Variants in ZNF836 observed in about 807,000 individuals in gnomAD.
ZNF836 encodes the protein zinc finger protein 836.
Under a neutral mutation model 7.4 loss-of-function variants are expected in ZNF836, and 12 were observed. The observed-to-expected ratio is 1.61, with a 90% CI of 1.03 to 2.61. The LOEUF is 2.61. Among genes scored for constraint, ZNF836 ranks in the 30% most tolerant of loss-of-function variants. The pLI is 0.00. For missense variants in ZNF836, 998 were observed against 1,126.2 expected (o/e 0.89, Z 1.63); for synonymous variants, 365 against 382.6 (o/e 0.95, Z 0.54).
intron 2 of ZNF836, 52 bp from the exon 3 acceptor site, chr19:52,168,204 T>G: frequency 2.4e-6 from 3 of 1,251,810 alleles, no homozygotes; most frequent in Non-Finnish European, 3.4e-6. Context: ...CATTCCTTTC[T>G]GCGCTACAAC....
At position 52,155,428 on chromosome 19, in the gene ZNF836, C is replaced by T. The variant is rs2089144268; in HGVS notation, c.2255G>A (p.Cys752Tyr). ...ATTAAAGACCTGGCCACATTCAATACATTTGTATGGCATCTCTCCAGTATG... is the reference window on the plus strand; with the variant it reads ...ATTAAAGACCTGGCCACATTCAATATATTTGTATGGCATCTCTCCAGTATG... Reference protein sequence around the residue: ...RRHTGEMPYKCIECGQVFNST... With the variant: ...RRHTGEMPYKYIECGQVFNST... The change falls in exon 5 of 5, where the codon TGT becomes TAT. Residue 752 changes from cysteine (C) to tyrosine (Y), a missense_variant. Physicochemically the swap from Cys to Tyr is radical, Grantham distance 194. Transcript: ENST00000682614. 3.1e-6 allele frequency: 5 copies of T among 1,614,158 alleles called. No individual in the cohort carries two copies. Among genetic ancestry groups the T allele is most frequent in the Non-Finnish European group, 2.5e-6 (3 of 1,180,040 alleles).
rs754216912 is a variant in ZNF836, at chr19:52,155,039, T to C, written c.2644A>G (p.Met882Val). Residue 882 changes from methionine to valine, a missense_variant, in exon 5 of 5, where the codon ATG becomes GTG. Coordinates refer to ENST00000682614, the MANE Select transcript of ZNF836 (RefSeq NM_001102657.3). ...TAAGGTTTTTCTCCAGAATGAATCATTTGGTGTTTGTTGAGGCAAGAAAAC... is the reference window on the plus strand; with the variant it reads ...TAAGGTTTTTCTCCAGAATGAATCACTTGGTGTTTGTTGAGGCAAGAAAAC... ...GRFSCLNKHQ[M>V]IHSGEKPYKC... 9.9e-6 allele frequency: 16 copies of C among 1,614,096 alleles called. No individual in the cohort carries two copies. The East Asian group carries it at 3.6e-4, about 36-fold the overall frequency.
rs770206537 is a variant in ZNF836 at position 52,156,373 on chromosome 19, G to C, written c.1310C>G (p.Thr437Arg). The change falls in exon 5 of 5, where the codon ACA becomes AGA. Residue 437 changes from threonine to arginine, a missense_variant. By Grantham distance (71) the Thr-to-Arg change is moderately conservative. Coordinates refer to ENST00000682614, the MANE Select transcript of ZNF836 (RefSeq NM_001102657.3). ...ATCACATGTATATGGTTTCTCTCCTGTATGGATTATCTGATGTGTAGTGAG... is the reference window on the plus strand; with the variant it reads ...ATCACATGTATATGGTTTCTCTCCTCTATGGATTATCTGATGTGTAGTGAG... ...SSLTTHQIIH[T>R]GEKPYTCDVC... 2 of 1,614,204 alleles carry C rather than the reference G, an allele frequency of 1.2e-6. No individual in the cohort carries two copies. Among genetic ancestry groups the C allele is most frequent in the South Asian group, 2.2e-5 (2 of 91,084 alleles).
At position 52,156,585 on chromosome 19, in the gene ZNF836, G is replaced by A. The variant is rs760744902; in HGVS notation, c.1098C>T (p.Val366=). The A allele has an allele frequency of 6.2e-7, 1 of 1,613,464 alleles. No individual in the cohort carries two copies. Among genetic ancestry groups the A allele is most frequent in the South Asian group, 1.1e-5 (1 of 91,040 alleles). ...TTACAAGATTAGAATTCTGCCTGAA[G>A]ACCTTGCCACATATATCACATTGAT... ...KPYQCDICGK[V]FRQNSNLVNH... The change falls in exon 5 of 5, where the codon GTC becomes GTT. Residue 366 remains valine (V), a synonymous_variant. Coordinates refer to ENST00000682614, the MANE Select transcript of ZNF836 (RefSeq NM_001102657.3).
intron 4 of ZNF836, among the ~76,000 whole-genome samples, chr19:52,158,996 A>G (rs1009139892): frequency 1.3e-5 from 2 of 152,170 alleles, no homozygotes; most frequent in African/African-American, 4.8e-5. Context: ...TTTGCACGGC[A>G]ATCCTTCTGC....
At position 52,155,633 on chromosome 19, in the gene ZNF836, G is replaced by A; in HGVS notation, c.2050C>T (p.His684Tyr). Reference sequence around the variant, plus strand: ...TTCTCTCCAGTATGAATTATCAGATGTTTAGTGAGGCTTGAACGCTGAGTA... The same window carrying A: ...TTCTCTCCAGTATGAATTATCAGATATTTAGTGAGGCTTGAACGCTGAGTA... Reference protein sequence around the residue: ...AYTQRSSLTKHLIIHTGEKPY... With the variant: ...AYTQRSSLTKYLIIHTGEKPY... The change falls in exon 5 of 5, where the codon CAT becomes TAT. Residue 684 changes from histidine to tyrosine, a missense_variant. Coordinates refer to ENST00000682614, the MANE Select transcript of ZNF836 (RefSeq NM_001102657.3). 1.2e-6 allele frequency: 2 copies of A among 1,614,104 alleles called. No individual in the cohort carries two copies. The highest frequency in any genetic ancestry group is 1.7e-6 in the Non-Finnish European group (2 of 1,180,024).
At position 52,156,861 on chromosome 19, in the gene ZNF836, A is replaced by C. The variant is rs1383427533; in HGVS notation, c.822T>G (p.Tyr274Ter). Residue 274 changes from tyrosine (Y) to a stop codon, truncating the protein, a stop_gained, in exon 5 of 5, where the codon TAT (tyrosine) becomes TAG (stop). Coordinates refer to ENST00000682614, the MANE Select transcript of ZNF836 (RefSeq NM_001102657.3). LOFTEE classifies it low-confidence loss of function (END_TRUNC). The part of the protein sequence containing the change: ...HQIVHTRGKP[Y>*]QCGVCGKIFR... ...AGATCTTGCCACATACACCACATTG[A>C]TATGGCTTCCCCCTTGTATGGACTA... is the stretch of plus-strand genomic sequence containing the variant. 1 of 1,614,048 alleles carries C rather than the reference A, an allele frequency of 6.2e-7. No homozygotes were observed. The highest frequency in any genetic ancestry group is 8.5e-7 in the Non-Finnish European group (1 of 1,180,044).
rs759011891 is a variant in ZNF836 at position 52,155,824 on chromosome 19, T to A, written c.1859A>T (p.Asn620Ile). 1 of 1,613,882 alleles carries A rather than the reference T, an allele frequency of 6.2e-7. No individual in the cohort carries two copies. The highest frequency in any genetic ancestry group is 1.1e-5 in the South Asian group (1 of 91,064). ...YKCNVCGKVF[N>I]DSGNLSNHKR... ...ATGATTTGAAAGGTTTCCACTGTCA[T>A]TGAAGACCTTGCCACACACATTACA... The change falls in exon 5 of 5, where the codon AAT (asparagine) becomes ATT (isoleucine). Residue 620 changes from asparagine to isoleucine, a missense_variant. Asn to Ile is a moderately radical substitution (Grantham distance 149). Transcript: ENST00000682614.
At position 52,157,502 on chromosome 19, in the gene ZNF836, T is replaced by C; in HGVS notation, c.181A>G (p.Ile61Val). 1 of 1,552,622 alleles carries C rather than the reference T, an allele frequency of 6.4e-7. No individual in the cohort carries two copies. The highest frequency in any genetic ancestry group is 1.3e-5 in the South Asian group (1 of 79,840). ...TTTTCTCCTGTATTACTGTTCCCTA[T>C]TGGTGGTAATTCCTTGGTCATACAT... ...PKCMTKELPP[I>V]GNSNTGEKCQ... Residue 61 changes from isoleucine to valine, a missense_variant, in exon 5 of 5, where the codon ATA becomes GTA. By Grantham distance (29) the Ile-to-Val change is conservative. Coordinates refer to ENST00000682614, the MANE Select transcript of ZNF836 (RefSeq NM_001102657.3).
Position 52,155,844 on chromosome 19 carries a change from A to AT in ZNF836, c.1838dup (p.Asn613LysfsTer9). 1 of 1,613,902 alleles carries AT rather than the reference A, an allele frequency of 6.2e-7. No homozygotes were observed. Among genetic ancestry groups the AT allele is most frequent in the East Asian group, 2.2e-5 (1 of 44,884 alleles). On this transcript the variant is annotated frameshift_variant, in exon 5 of 5. Coordinates refer to ENST00000682614, the MANE Select transcript of ZNF836 (RefSeq NM_001102657.3). LOFTEE classifies it low-confidence loss of function (END_TRUNC). ...TGTCATTGAAGACCTTGCCACACAC[A>AT]TTACATTTGTAAGGTTTCTGCCCAG...
At position 52,155,863 on chromosome 19, in the gene ZNF836, T is replaced by G; in HGVS notation, c.1820A>C (p.Gln607Pro). ...ACACACATTACATTTGTAAGGTTTC[T>G]GCCCAGTATGAATTCTTAGATGACG... ...LARHLRIHTG[Q>P]KPYKCNVCGK... Residue 607 changes from glutamine to proline, a missense_variant, in exon 5 of 5, where the codon CAG becomes CCG. Gln to Pro is a moderately conservative substitution (Grantham distance 76, BLOSUM62 -1). Coordinates refer to ENST00000682614, the MANE Select transcript of ZNF836 (RefSeq NM_001102657.3). 1 of 1,614,062 alleles carries G rather than the reference T, an allele frequency of 6.2e-7. No individual in the cohort carries two copies. The highest frequency in any genetic ancestry group is 1.1e-5 in the South Asian group (1 of 91,078).
chr19:52,162,588 G>A (rs1329362684), intron 3 of ZNF836, among the ~76,000 whole-genome samples: 1 of 152,192 alleles, frequency 6.6e-6, no homozygotes, highest in Non-Finnish European at 1.5e-5. Context: ...AAGGGGCCAG[G>A]GGGCATCTTG....
intron 1 of ZNF836, chr19:52,170,314 C>T (rs1347374666): frequency 1.3e-5 from 2 of 152,272 alleles, no homozygotes; most frequent in Non-Finnish European, 2.9e-5. Context: ...CTCTTTTTCC[C>T]CATCTGAGCT....
intron 3 of ZNF836, among the ~76,000 whole-genome samples, chr19:52,162,781 G>A (rs903990437): frequency 9.2e-5 from 14 of 152,196 alleles, no homozygotes; most frequent in South Asian, 4.1e-4. Flanking sequence ...CAAGGAGCCC[G>A]GCGCCAGGGA....
At chr19:52,170,977 A>G (rs1568576044) in intron 1 of ZNF836, among the ~76,000 whole-genome samples, 2 of 152,174 alleles carry the variant, frequency 1.3e-5, no homozygotes, top group Non-Finnish European at 2.9e-5. Flanking sequence ...AAGCCTGGGG[A>G]GCGAAAGGAC....
At chr19:52,159,438 T>C (rs866606246) in intron 4 of ZNF836, among the ~76,000 whole-genome samples, 2 of 152,204 alleles carry the variant, frequency 1.3e-5, no homozygotes, top group Non-Finnish European at 2.9e-5. Context: ...GGATCAAACA[T>C]GTTTTTAAAT....
In ZNF836 at chr19:52,155,311, G is replaced by C. The variant is rs1420409739; in HGVS notation, c.2372C>G (p.Ser791Ter). The change falls in exon 5 of 5, where the codon TCA becomes TGA. Residue 791 changes from serine to a stop codon, truncating the protein, a stop_gained. Transcript: ENST00000682614. LOFTEE classifies it low-confidence loss of function (END_TRUNC). ...NECGKVFRHQ[S>*]TLARHRSIHT... ...AATACTCCGATGACGTGCTAGTGTT[G>C]ATTGATGACGAAAGACCTTGCCACA... The C allele has an allele frequency of 1.9e-6, 3 of 1,614,144 alleles. No individual in the cohort carries two copies. The Admixed American group carries it at 5.0e-5, about 27-fold the overall frequency.
At chr19:52,157,981 A>G (rs2089181843) in intron 4 of ZNF836, among the ~76,000 whole-genome samples, 1 of 152,202 alleles carries the variant, frequency 6.6e-6, no homozygotes, top group Non-Finnish European at 1.5e-5. Context: ...TATACTAGAC[A>G]GTTACCAAAC....
rs766949417 is a variant in ZNF836 at position 52,155,826 on chromosome 19, G to A, written c.1857C>T (p.Phe619=). 1 of 1,613,864 alleles carries A rather than the reference G, an allele frequency of 6.2e-7. No homozygotes were observed. The highest frequency in any genetic ancestry group is 1.1e-5 in the South Asian group (1 of 91,066). Residue 619 remains phenylalanine (F), a synonymous_variant, in exon 5 of 5, where the codon TTC becomes TTT. Transcript: ENST00000682614. ...GATTTGAAAGGTTTCCACTGTCATT[G>A]AAGACCTTGCCACACACATTACATT... ...PYKCNVCGKV[F]NDSGNLSNHK...
Sources: allele counts gnomAD v4.1 joint callset (sites outside exome capture counted in the v4.1 genomes callset), GRCh38; gene constraint gnomAD v4.1.1; transcripts MANE v1.5; gene names NCBI Gene and HGNC (gene_info 2026-07-23, HGNC 2026-07-21).